The following PPA2 variants were observed in gnomAD, a reference collection of about 807,000 sequenced individuals.
PPA2 encodes the protein inorganic pyrophosphatase 2, also known as inorganic pyrophosphatase 2, mitochondrial.
A neutral mutation model predicts 49.5 loss-of-function variants in PPA2; 48 were observed. The observed-to-expected ratio is 0.97, with a 90% CI of 0.77 to 1.23. PPA2 has a LOEUF of 1.23. Among genes scored for constraint, PPA2 ranks in the 50% most tolerant of loss-of-function variants. The pLI, the probability that PPA2 is intolerant of heterozygous loss-of-function variation, is 0.00. For synonymous variants in PPA2, 131 were observed against 139.9 expected, an observed-to-expected ratio of 0.94 and a Z score of 0.45; for missense variants, 429 against 410.1, an observed-to-expected ratio of 1.05 and a Z score of -0.40.
chr4:105,409,087 C>T (rs1451549131), intron 7 of PPA2, among the ~76,000 whole-genome samples: 2 of 152,252 alleles, frequency 1.3e-5, no homozygotes, highest in Non-Finnish European at 2.9e-5. Flanking sequence ...CGAGCAGAAG[C>T]AGGGCAGGGC....
chr4:105,387,648 T>A (rs1483099260), intron 9 of PPA2, among the ~76,000 whole-genome samples: 2 of 152,208 alleles, frequency 1.3e-5, no homozygotes, highest in African/African-American at 4.8e-5. Context: ...TTGGCATGAA[T>A]AGAATCTGAT....
intron 2 of PPA2, 25 bp downstream of exon 2, chr4:105,456,656 T>C (rs1331074188): frequency 1.3e-6 from 2 of 1,554,338 alleles, no homozygotes; most frequent in Non-Finnish European, 1.8e-6. Flanking sequence ...CACGTTTTCA[T>C]TCCCAAAACA....
chr4:105,410,131 T>C (rs1722681362), intron 7 of PPA2, among the ~76,000 whole-genome samples: 1 of 152,202 alleles, frequency 6.6e-6, no homozygotes, highest in Admixed American at 6.5e-5. Context: ...TTAAGGAACA[T>C]GTTCTAACCC....
intron 1 of PPA2, among the ~76,000 whole-genome samples, chr4:105,458,682 C>T (rs917408462): frequency 1.3e-4 from 19 of 151,756 alleles, no homozygotes; most frequent in African/African-American, 3.6e-4. Flanking sequence ...ATTAGCTGGG[C>T]GTGGTGGTGC....
In PPA2 at chr4:105,378,879, C is replaced by T. The variant is rs553474755; in HGVS notation, c.939+7688G>A. ...TTGGTTACACTAATCTATCTTTATG[C>T]CATTACTATATTCTCTTGATTATTG... On this transcript the variant is annotated intron_variant, in intron 10 of 11. Coordinates refer to ENST00000341695, the MANE Select transcript of PPA2 (RefSeq NM_176869.3). Among the ~76,000 whole-genome samples the T allele has an allele frequency of 1.1e-4, 16 of 152,146 alleles. 1 individual carries two copies. The South Asian group carries it at 3.3e-3, about 32-fold the overall frequency.
chr4:105,442,417 A>G (rs1204354221), intron 5 of PPA2, among the ~76,000 whole-genome samples: 1 of 152,198 alleles, frequency 6.6e-6, no homozygotes, highest in African/African-American at 2.4e-5. Flanking sequence ...GTAGGACTAT[A>G]TATTTGATTG....
intron 7 of PPA2, among the ~76,000 whole-genome samples, chr4:105,419,334 T>A (rs1401531199): frequency 6.6e-6 from 1 of 151,686 alleles, no homozygotes; most frequent in Non-Finnish European, 1.5e-5. Context: ...CAGGCCCCGG[T>A]GTGTGATGTT....
intron 5 of PPA2, among the ~76,000 whole-genome samples, chr4:105,441,643 T>C (rs1170667845): frequency 1.1e-4 from 16 of 152,108 alleles, no homozygotes; most frequent in Non-Finnish European, 1.2e-4. Context: ...ATATTTACTA[T>C]CTATACAGAA....
At position 105,437,939 on chromosome 4, in the gene PPA2, A is replaced by G. The variant is rs1724139992; in HGVS notation, c.528+11T>C. 6.3e-7 allele frequency: 1 copy of G among 1,592,056 alleles called. No individual in the cohort carries two copies. Among genetic ancestry groups the G allele is most frequent in the African/African-American group, 1.4e-5 (1 of 73,316 alleles). ...ACTCACGTTAGAATTAATACAGTCT[A>G]TAAAACAAACCTTTGAGCCTATTTC... On this transcript the variant is annotated intron_variant, in intron 6 of 11. Coordinates refer to ENST00000341695, the MANE Select transcript of PPA2 (RefSeq NM_176869.3).
intron 9 of PPA2, 36 bp downstream of exon 9, chr4:105,396,213 T>A (rs112346417): frequency 5.2e-5 from 68 of 1,310,732 alleles, no homozygotes; most frequent in Middle Eastern, 2.5e-4. Context: ...TACCAATTAA[T>A]ATAACATTAC....
At chr4:105,391,292 C>A (rs1276189298) in intron 9 of PPA2, among the ~76,000 whole-genome samples, 1 of 137,456 alleles carries the variant, frequency 7.3e-6, no homozygotes, top group Non-Finnish European at 1.5e-5. Flanking sequence ...CACATGTACA[C>A]CTATGTAACA....
At chr4:105,470,444 C>A (rs1380973100) in intron 1 of PPA2, among the ~76,000 whole-genome samples, 4 of 152,186 alleles carry the variant, frequency 2.6e-5, no homozygotes, top group Non-Finnish European at 5.9e-5. Context: ...CGTGATTGCA[C>A]ACTGTGCTCC....
At chr4:105,370,985 C>T (rs1418387167) in intron 10 of PPA2, 112 bp from the exon 11 acceptor site, 1 of 1,007,312 alleles carries the variant, frequency 9.9e-7, no homozygotes, top group African/African-American at 1.7e-5. Flanking sequence ...CACAATGGAT[C>T]TCTAACCTGA....
chr4:105,437,610 T>A (rs72668261), intron 6 of PPA2, among the ~76,000 whole-genome samples: 1 of 152,142 alleles, frequency 6.6e-6, no homozygotes, highest in Non-Finnish European at 1.5e-5. Flanking sequence ...CATAAAATAA[T>A]AAAATAATAA....
intron 10 of PPA2, among the ~76,000 whole-genome samples, chr4:105,372,217 C>T (rs1733055863): frequency 6.6e-6 from 1 of 152,054 alleles, no homozygotes. Flanking sequence ...AACTTTGGCC[C>T]CTTGTGGGGA....
intron 10 of PPA2, among the ~76,000 whole-genome samples, chr4:105,371,985 A>G (rs1417480522): frequency 1.3e-5 from 2 of 152,286 alleles, no homozygotes; most frequent in South Asian, 2.1e-4. Context: ...AGTAGCCCAC[A>G]TATCTAGGCA....
At chr4:105,388,059 CA>C (rs1280206217) in intron 9 of PPA2, among the ~76,000 whole-genome samples, 2 of 76,448 alleles carry the variant, frequency 2.6e-5, no homozygotes, top group East Asian at 2.6e-4. Flanking sequence ...GGTGAGAGAA[CA>C]GGGGGCGGGG....
intron 6 of PPA2, among the ~76,000 whole-genome samples, chr4:105,437,112 A>AT (rs1436116176): frequency 6.6e-6 from 1 of 152,192 alleles, no homozygotes; most frequent in African/African-American, 2.4e-5. Context: ...CAAGAAAAAC[A>AT]TTAAAAAGTG....
intron 7 of PPA2, among the ~76,000 whole-genome samples, chr4:105,404,613 G>A (rs962651607): frequency 6.6e-6 from 1 of 152,146 alleles, no homozygotes; most frequent in Admixed American, 6.5e-5. Context: ...TAGGGAAGAA[G>A]AAATCAAGGT....
Sources: gnomAD v4.1 joint callset for allele counts (sites outside exome capture counted in the v4.1 genomes callset) on GRCh38, gnomAD v4.1.1 for gene constraint, MANE v1.5 for transcripts, NCBI Gene and HGNC (gene_info 2026-07-23, HGNC 2026-07-21) for gene names.